SLC8A2: variants seen among roughly 807,000 people sequenced by gnomAD.
The protein encoded by SLC8A2 is solute carrier family 8 member A2.
Under a neutral mutation model 70.2 loss-of-function variants are expected in SLC8A2, and 14 were observed. The observed-to-expected ratio is 0.20, with a 90% CI of 0.13 to 0.31. The LOEUF (loss-of-function observed/expected upper bound fraction) is 0.31, where lower values mean the gene tolerates loss of function less well. SLC8A2 is among the 10% of genes least tolerant of loss of function. SLC8A2 has a pLI of 1.00. For missense variants in SLC8A2, 779 were observed against 1,320.1 expected (o/e 0.59, Z 6.35); for synonymous variants, 575 against 594.3 (o/e 0.97, Z 0.47).
intron 4 of SLC8A2, among the ~76,000 whole-genome samples, chr19:47,446,320 T>C (rs756942731): frequency 3.3e-5 from 5 of 151,930 alleles, no homozygotes; most frequent in African/African-American, 7.3e-5. Flanking sequence ...CAGGCACACA[T>C]TGGGGGACAC....
chr19:47,437,103 T>C (rs1967039168), intron 8 of SLC8A2, among the ~76,000 whole-genome samples: 1 of 152,082 alleles, frequency 6.6e-6, no homozygotes, highest in South Asian at 2.1e-4. Context: ...CCTCTCCCTC[T>C]CCCCGGCCCA....
intron 3 of SLC8A2, among the ~76,000 whole-genome samples, chr19:47,454,954 G>A (rs936855351): frequency 1.3e-5 from 2 of 152,206 alleles, no homozygotes; most frequent in East Asian, 3.9e-4. Context: ...GGGTGTGGTG[G>A]TGGGCACCTG....
intron 1 of SLC8A2, among the ~76,000 whole-genome samples, chr19:47,469,063 G>A (rs1215442836): frequency 2.6e-5 from 4 of 152,098 alleles, no homozygotes; most frequent in African/African-American, 9.7e-5. Context: ...GAGGGAGGCA[G>A]CGTGTTGGCA....
Position 47,457,442 on chromosome 19 carries a change from G to A in SLC8A2, c.828C>T (p.Pro276=), listed in dbSNP as rs2122642801. ...SGIIIGAEGD[P]PKSIELDGTF... ...TGCCGTCCAGCTCGATGCTCTTCGG[G>A]GGGTCGCCCTCGGCGCCTATGATGA... Residue 276 remains proline, a synonymous_variant, in exon 3 of 10, where the codon CCC becomes CCT. Transcript: ENST00000236877. 1 of 1,605,150 alleles carries A rather than the reference G, an allele frequency of 6.2e-7. No homozygotes were observed. The highest frequency in any genetic ancestry group is 8.5e-7 in the Non-Finnish European group (1 of 1,177,000).
rs188919094 is a variant in SLC8A2 at position 47,440,573 on chromosome 19, C to G, written c.1885+596G>C. On this transcript the variant is annotated intron_variant, in intron 6 of 9. Transcript: ENST00000236877. ...TCCCAAGCAGCTGGGATTCCAGATGCCTGTCATCACACTCAGCTAATTTTT... is the reference window on the plus strand; with the variant it reads ...TCCCAAGCAGCTGGGATTCCAGATGGCTGTCATCACACTCAGCTAATTTTT... 1.5e-3 allele frequency among the ~76,000 whole-genome samples: 217 copies of G among 148,994 alleles called. 1 individual carries two copies. Among genetic ancestry groups the G allele is most frequent in the African/African-American group, 5.2e-3 (211 of 40,922 alleles).
At chr19:47,459,127 A>C (rs1967356292) in intron 2 of SLC8A2, among the ~76,000 whole-genome samples, 3 of 126,466 alleles carry the variant, frequency 2.4e-5, no homozygotes, top group East Asian at 4.8e-4. Flanking sequence ...CCTTCCTCCC[A>C]TCTCTTTTTA....
At chr19:47,439,069 T>A (rs187513692) in intron 6 of SLC8A2, among the ~76,000 whole-genome samples, 1 of 152,268 alleles carries the variant, frequency 6.6e-6, no homozygotes, top group East Asian at 1.9e-4. Flanking sequence ...CCCTCCAGGC[T>A]TAGCCCCCGA....
chr19:47,470,740 T>C lies in SLC8A2; in HGVS notation c.-17+1049A>G, dbSNP rs1486405913. On this transcript the variant is annotated intron_variant, in intron 1 of 9. Coordinates refer to ENST00000236877, the MANE Select transcript of SLC8A2 (RefSeq NM_015063.3). ...CACGAGGAAGACTGGGGAGGTTAGA[T>C]TGAAGGGAGGTCTGGTCTCATCTCT... is the stretch of plus-strand genomic sequence containing the variant. 2.6e-5 allele frequency among the ~76,000 whole-genome samples: 4 copies of C among 151,890 alleles called. No individual in the cohort carries two copies. The South Asian group carries it at 6.3e-4, about 24-fold the overall frequency.
chr19:47,441,317 G>A lies in SLC8A2; in HGVS notation c.1867+20C>T, dbSNP rs781437851. Reference sequence around the variant, plus strand: ...CCCTGGACCCCTTACTTCTCCCACAGCCCACTGGTCACCCCTCACCTGAAA... The same window carrying A: ...CCCTGGACCCCTTACTTCTCCCACAACCCACTGGTCACCCCTCACCTGAAA... On this transcript the variant is annotated intron_variant, in intron 5 of 9. Transcript: ENST00000236877. The A allele has an allele frequency of 1.2e-5, 19 of 1,594,252 alleles. No individual in the cohort carries two copies. In the South Asian group the frequency reaches 1.3e-4, roughly 11 times the overall value.
chr19:47,439,223 C>T (rs537985645), intron 6 of SLC8A2, among the ~76,000 whole-genome samples: 10 of 152,180 alleles, frequency 6.6e-5, no homozygotes, highest in Non-Finnish European at 1.3e-4. Flanking sequence ...ACTAGGAACA[C>T]TCTCGTAAAA....
At chr19:47,471,221 G>A (rs1248732016) in intron 1 of SLC8A2, among the ~76,000 whole-genome samples, 6 of 151,672 alleles carry the variant, frequency 4.0e-5, no homozygotes, top group Admixed American at 3.9e-4. Flanking sequence ...ACACAGGAAA[G>A]CTGAGACAAG....
chr19:47,452,490 G>T, intron 3 of SLC8A2, among the ~76,000 whole-genome samples: 1 of 112,086 alleles, frequency 8.9e-6, no homozygotes, highest in Non-Finnish European at 1.9e-5. Flanking sequence ...GTGTGTGTGT[G>T]TCTTGGTCTG....
intron 8 of SLC8A2, 115 bp downstream of exon 8, chr19:47,437,347 G>A: frequency 1.3e-6 from 1 of 761,606 alleles, no homozygotes; most frequent in Non-Finnish European, 2.2e-6. Context: ...CCAGGCATGA[G>A]CCACCGCGCC....
chr19:47,460,969 T>A (rs1391304789), intron 2 of SLC8A2, among the ~76,000 whole-genome samples: 1 of 152,056 alleles, frequency 6.6e-6, no homozygotes, highest in Non-Finnish European at 1.5e-5. Flanking sequence ...ATCCCAGCAC[T>A]TTGGGAGGCG....
rs543995307 is a variant in SLC8A2 at position 47,466,309 on chromosome 19, G to A, written c.95C>T (p.Pro32Leu). 118 of 1,491,932 alleles carry A rather than the reference G, an allele frequency of 7.9e-5. 1 individual carries two copies. Among genetic ancestry groups the A allele is most frequent in the East Asian group, 7.6e-4 (31 of 40,812 alleles). 92.4% of individuals were successfully genotyped at this position (1,491,932 alleles called of 1,614,324 possible). A position where few individuals can be genotyped will look rare whatever the true frequency, so the allele number is the denominator to read the frequency against. ...ATPTPSLPPPPANDSDTSTGG... is the reference protein window; with the variant it reads ...ATPTPSLPPPLANDSDTSTGG... ...TGTGCTGGTGTCGCTGTCATTGGCC[G>A]GGGGAGGCGGCAGGGAGGGGGTTGG... The change falls in exon 2 of 10, where the codon CCG (proline) becomes CTG (leucine). Residue 32 changes from proline to leucine, a missense_variant. Transcript: ENST00000236877. This position sits in a 1 kb window ranked among gnomAD's most constrained non-coding sequence, Gnocchi z 6.9.
At chr19:47,456,685 G>T (rs1967306998) in intron 3 of SLC8A2, among the ~76,000 whole-genome samples, 1 of 152,186 alleles carries the variant, frequency 6.6e-6, no homozygotes, top group African/African-American at 2.4e-5. Flanking sequence ...AAACCCAGAG[G>T]TAGATAATGA....
At chr19:47,435,130 A>G (rs1967009849) in intron 8 of SLC8A2, among the ~76,000 whole-genome samples, 1 of 151,618 alleles carries the variant, frequency 6.6e-6, no homozygotes, top group Non-Finnish European at 1.5e-5. Context: ...GATCGCTTGA[A>G]CCCAGGAGGA....
intron 8 of SLC8A2, among the ~76,000 whole-genome samples, chr19:47,433,664 T>C (rs1437351671): frequency 6.6e-6 from 1 of 152,102 alleles, no homozygotes; most frequent in Admixed American, 6.6e-5. Flanking sequence ...TTTTTTTTTT[T>C]TTTGAGACAG....
chr19:47,447,591 G>T lies in SLC8A2; in HGVS notation c.1763+218C>A. 1.5e-5 allele frequency: 8 copies of T among 528,618 alleles called. No homozygotes were observed. Among genetic ancestry groups the T allele is most frequent in the Non-Finnish European group, 2.3e-5 (7 of 305,732 alleles). The allele number at this position is 528,618 out of a possible 1,614,324, so 32.7% of individuals were successfully genotyped here. A position where few individuals can be genotyped will look rare whatever the true frequency, so the allele number is the denominator to read the frequency against. On this transcript the variant is annotated intron_variant, in intron 4 of 9. Coordinates refer to ENST00000236877, the MANE Select transcript of SLC8A2 (RefSeq NM_015063.3). This position sits in a 1 kb window ranked among gnomAD's most constrained non-coding sequence, Gnocchi z 5.1. ...CACTCAGGCCCCTCTCCTCCTGAGG[G>T]CCCAGCTGTTCAGTGAAGCCCCGCC...
Sources: gnomAD v4.1 joint callset for allele counts (sites outside exome capture counted in the v4.1 genomes callset) on GRCh38, gnomAD v4.1.1 for gene constraint, Gnocchi (gnomAD v3.1) non-coding constraint, MANE v1.5 for transcripts, NCBI Gene and HGNC (gene_info 2026-07-23, HGNC 2026-07-21) for gene names.